Variants in PITPNC1 observed in about 807,000 individuals in gnomAD.
PITPNC1 encodes the protein phosphatidylinositol transfer protein cytoplasmic 1.
A neutral mutation model predicts 44.7 loss-of-function variants in PITPNC1; 18 were observed. The observed-to-expected ratio is 0.40, with a 90% CI of 0.28 to 0.60. The LOEUF is 0.60. PITPNC1 is among the 20% of genes least tolerant of loss of function. The pLI, the probability that PITPNC1 is intolerant of heterozygous loss-of-function variation, is 0.39. For synonymous variants in PITPNC1, 141 were observed against 149.6 expected, an observed-to-expected ratio of 0.94 and a Z score of 0.42; for missense variants, 290 against 418.4, an observed-to-expected ratio of 0.69 and a Z score of 2.68.
chr17:67,583,525 T>C (rs2041263112), intron 5 of PITPNC1, among the ~76,000 whole-genome samples: 5 of 143,440 alleles, frequency 3.5e-5, no homozygotes, highest in Admixed American at 3.5e-4. Context: ...GAGGCGGAGG[T>C]TGCAGGGAGC....
intron 1 of PITPNC1, among the ~76,000 whole-genome samples, chr17:67,512,657 C>T (rs951729410): frequency 8.5e-5 from 13 of 152,122 alleles, no homozygotes; most frequent in Admixed American, 3.9e-4. Context: ...TTATTAGACT[C>T]TAAACTCCTT....
chr17:67,465,625 C>G (rs1373357007), intron 1 of PITPNC1, among the ~76,000 whole-genome samples: 1 of 152,116 alleles, frequency 6.6e-6, no homozygotes, highest in Non-Finnish European at 1.5e-5. Flanking sequence ...ACTGGATAGC[C>G]TTTCTCCAAT....
chr17:67,633,195 G>A (rs542639781), intron 6 of PITPNC1, among the ~76,000 whole-genome samples: 55 of 152,168 alleles, frequency 3.6e-4, no homozygotes, highest in Middle Eastern at 3.4e-3. Context: ...GTTGGTTAGC[G>A]ACATGCCACC....
At chr17:67,636,662 C>T (rs959431537) in intron 6 of PITPNC1, among the ~76,000 whole-genome samples, 1 of 152,154 alleles carries the variant, frequency 6.6e-6, no homozygotes, top group African/African-American at 2.4e-5. Flanking sequence ...CTCGTAACCC[C>T]AGCCCCATCA....
rs57267074 is a variant in PITPNC1, at chr17:67,575,873, TC to T, written c.295-2312del. On this transcript the variant is annotated intron_variant, in intron 4 of 8. Transcript: ENST00000581322. ...TTCTTTCTTTCCTTCCTTCTTTCTTTCTTTCCTTTTTTTTTTTTTTTGAGAC... is the reference window on the plus strand; with the variant it reads ...TTCTTTCTTTCCTTCCTTCTTTCTTTTTTCCTTTTTTTTTTTTTTTGAGAC... Among the ~76,000 whole-genome samples the T allele has an allele frequency of 3.3e-3, 247 of 75,366 alleles. 3 individuals are homozygous for T. The highest frequency in any genetic ancestry group is 0.014 in the African/African-American group (219 of 15,640). 49.4% of individuals were successfully genotyped at this position (75,366 alleles called of 152,430 possible). A position where few individuals can be genotyped will look rare whatever the true frequency, so the allele number is the denominator to read the frequency against.
intron 1 of PITPNC1, among the ~76,000 whole-genome samples, chr17:67,415,100 G>A (rs1598633410): frequency 6.6e-6 from 1 of 151,970 alleles, no homozygotes; most frequent in African/African-American, 2.4e-5. Context: ...GGCTGGTCTC[G>A]AACTCCTGAA....
At chr17:67,550,494 T>G (rs1049828125) in intron 2 of PITPNC1, among the ~76,000 whole-genome samples, 1 of 151,866 alleles carries the variant, frequency 6.6e-6, no homozygotes, top group Non-Finnish European at 1.5e-5. Context: ...TCATTTAGAT[T>G]TCGCATCCAA....
chr17:67,506,017 C>T, intron 1 of PITPNC1, among the ~76,000 whole-genome samples: 1 of 152,140 alleles, frequency 6.6e-6, no homozygotes. Context: ...ATTGTTACTC[C>T]ACCCTTTCCT....
chr17:67,447,438 G>A (rs566067230), intron 1 of PITPNC1, among the ~76,000 whole-genome samples: 22 of 152,018 alleles, frequency 1.4e-4, no homozygotes, highest in South Asian at 4.2e-4. Context: ...CACTAGCTCC[G>A]GGTCTCTCTC....
intron 1 of PITPNC1, among the ~76,000 whole-genome samples, chr17:67,450,039 C>T (rs986346726): frequency 5.9e-5 from 9 of 152,142 alleles, no homozygotes; most frequent in African/African-American, 7.2e-5. Flanking sequence ...ATGAGATAAG[C>T]GCAGTAGCCA....
intron 1 of PITPNC1, 28 bp from the exon 2 acceptor site, chr17:67,532,774 C>A: frequency 1.3e-6 from 2 of 1,541,130 alleles, no homozygotes; most frequent in South Asian, 1.2e-5. Flanking sequence ...GTGGGGCTGA[C>A]CTTTCTGTCT....
chr17:67,596,023 A>C (rs541560299), intron 5 of PITPNC1, among the ~76,000 whole-genome samples: 1 of 152,320 alleles, frequency 6.6e-6, no homozygotes, highest in Non-Finnish European at 1.5e-5. Flanking sequence ...CAAATAATTG[A>C]CCATTTGGTG....
chr17:67,606,274 ATTTTC>A (rs1434192782), intron 5 of PITPNC1, among the ~76,000 whole-genome samples: 1 of 152,182 alleles, frequency 6.6e-6, no homozygotes, highest in Admixed American at 6.6e-5. Context: ...AGACAGAAGT[ATTTTC>A]TTTATCAAAC....
At chr17:67,468,925 C>T (rs775462146) in intron 1 of PITPNC1, among the ~76,000 whole-genome samples, 6 of 152,086 alleles carry the variant, frequency 3.9e-5, no homozygotes, top group Non-Finnish European at 5.9e-5. Flanking sequence ...GACGAGGTTT[C>T]GCCATGTTGG....
At chr17:67,675,616 A>ACAAC (rs2042587384) in intron 8 of PITPNC1, 74 bp downstream of exon 8, 5 of 982,656 alleles carry the variant, frequency 5.1e-6, no homozygotes, top group Non-Finnish European at 8.2e-6. Context: ...TTTGGCTTCA[A>ACAAC]CTGCTACCTA....
chr17:67,468,703 G>A (rs766371714), intron 1 of PITPNC1, among the ~76,000 whole-genome samples: 8 of 143,950 alleles, frequency 5.6e-5, no homozygotes, highest in East Asian at 4.2e-4. Flanking sequence ...GTGCCTGGCC[G>A]CTTTTTTTTT....
intron 5 of PITPNC1, 142 bp from the exon 6 acceptor site, chr17:67,632,001 C>A: frequency 1.7e-6 from 1 of 601,414 alleles, no homozygotes. Flanking sequence ...ATGATTCTTG[C>A]GCATTCTGAG....
At chr17:67,546,581 T>A (rs1017789812) in intron 2 of PITPNC1, among the ~76,000 whole-genome samples, 2 of 152,244 alleles carry the variant, frequency 1.3e-5, no homozygotes, top group African/African-American at 4.8e-5. Flanking sequence ...GTGTGTCCTG[T>A]GTCGCCTTGC....
chr17:67,671,777 A>T (rs1272334241), intron 7 of PITPNC1, among the ~76,000 whole-genome samples: 1 of 152,132 alleles, frequency 6.6e-6, no homozygotes, highest in African/African-American at 2.4e-5. Flanking sequence ...TTGCACAGGA[A>T]AGCAATTGCA....
Sources: gnomAD v4.1 joint callset for allele counts (sites outside exome capture counted in the v4.1 genomes callset) on GRCh38, gnomAD v4.1.1 for gene constraint, MANE v1.5 for transcripts, NCBI Gene and HGNC (gene_info 2026-07-23, HGNC 2026-07-21) for gene names.